The following BEND7 variants were observed in gnomAD, a reference collection of about 807,000 sequenced individuals.
BEND7 encodes the protein BEN domain-containing protein 7.
Under a neutral mutation model 50.9 loss-of-function variants are expected in BEND7, and 28 were observed. The observed-to-expected ratio is 0.55, with a 90% CI of 0.41 to 0.75. The LOEUF (loss-of-function observed/expected upper bound fraction) is 0.75, where lower values mean the gene tolerates loss of function less well. Among genes scored for constraint, BEND7 ranks in the 30% least tolerant of loss-of-function variants. The pLI, the probability that BEND7 is intolerant of heterozygous loss-of-function variation, is 0.00. For missense variants in BEND7, 477 were observed against 491.3 expected (o/e 0.97, Z 0.28); for synonymous variants, 170 against 183.9 (o/e 0.92, Z 0.61).
chr10:13,476,234 G>A (rs1413526476), intron 6 of BEND7, among the ~76,000 whole-genome samples: 2 of 152,188 alleles, frequency 1.3e-5, no homozygotes, highest in African/African-American at 4.8e-5. Context: ...AAGTGTGACA[G>A]CAAAAGCGGC....
intron 5 of BEND7, among the ~76,000 whole-genome samples, chr10:13,488,502 T>G (rs974927766): frequency 1.3e-5 from 2 of 152,312 alleles, no homozygotes; most frequent in Non-Finnish European, 1.5e-5. Context: ...TTTTTCTTTT[T>G]TTTTGAGATG....
intron 6 of BEND7, among the ~76,000 whole-genome samples, chr10:13,474,205 G>A (rs887088857): frequency 6.6e-6 from 1 of 151,568 alleles, no homozygotes; most frequent in Non-Finnish European, 1.5e-5. Flanking sequence ...ATCGCTGTTA[G>A]ACTCGGGGCC....
At chr10:13,497,071 A>C (rs888034976) in intron 3 of BEND7, 183 bp from the exon 4 acceptor site, 11 of 738,778 alleles carry the variant, frequency 1.5e-5, no homozygotes, top group Non-Finnish European at 2.1e-5. Context: ...TGGGGGTCTG[A>C]CTTTATCTAA....
At chr10:13,501,366 C>A (rs2132240129) in intron 2 of BEND7, among the ~76,000 whole-genome samples, 1 of 84,022 alleles carries the variant, frequency 1.2e-5, no homozygotes, top group Admixed American at 1.9e-4. Context: ...AAGAGTGAAA[C>A]TCCATCTCAA....
At position 13,478,949 on chromosome 10, in the gene BEND7, A is replaced by G. The variant is rs563318814; in HGVS notation, c.1063+1950T>C. On this transcript the variant is annotated intron_variant, in intron 6 of 8. Transcript: ENST00000466271. The stretch of plus-strand genomic sequence containing the variant: ...ATTGGGAGCAAAGACCTCATTTGCC[A>G]TTTTTATAGAGTACAGCAGTGAAGG... 4.0e-5 allele frequency among the ~76,000 whole-genome samples: 6 copies of G among 151,714 alleles called. No homozygotes were observed. The Middle Eastern group carries it at 0.01, about 260-fold the overall frequency.
chr10:13,517,041 T>A (rs2132582587), intron 2 of BEND7, among the ~76,000 whole-genome samples: 1 of 151,386 alleles, frequency 6.6e-6, no homozygotes, highest in African/African-American at 2.4e-5. Context: ...AAGCATTTGT[T>A]GCCCTATTAG....
At chr10:13,481,850 G>A (rs935318122) in intron 5 of BEND7, among the ~76,000 whole-genome samples, 1 of 152,226 alleles carries the variant, frequency 6.6e-6, no homozygotes, top group African/African-American at 2.4e-5. Flanking sequence ...TCCTGACTGG[G>A]ATACGGAATC....
rs973295355 is a variant in BEND7 at position 13,474,546 on chromosome 10, C to T, written c.1063+6353G>A. Among the ~76,000 whole-genome samples, 50 of 137,268 alleles carry T rather than the reference C, an allele frequency of 3.6e-4. 1 individual carries two copies. The East Asian group carries it at 0.01, about 28-fold the overall frequency. The allele number at this position is 137,268 out of a possible 152,430, so 90.1% of individuals were successfully genotyped here. ...GTCGATACCCGTCACCGCTGTTGGA[C>T]TCGGGTTGATACCCGTCACCGCTGT... On this transcript the variant is annotated intron_variant, in intron 6 of 8. Transcript: ENST00000466271.
At chr10:13,520,711 T>C (rs1222247465) in intron 2 of BEND7, among the ~76,000 whole-genome samples, 1 of 152,160 alleles carries the variant, frequency 6.6e-6, no homozygotes, top group Non-Finnish European at 1.5e-5. Context: ...CATCCCTGAG[T>C]TGAGGTTCCC....
rs199650739 is a variant in BEND7 at position 13,480,932 on chromosome 10, C to A, written c.1030G>T (p.Gly344Ter). The A allele has an allele frequency of 6.2e-7, 1 of 1,614,160 alleles. No individual in the cohort carries two copies. Among genetic ancestry groups the A allele is most frequent in the Non-Finnish European group, 8.5e-7 (1 of 1,180,034 alleles). The change falls in exon 6 of 9, where the codon GGA (glycine) becomes TGA (stop). Residue 344 changes from glycine to a stop codon, truncating the protein, a stop_gained. Transcript: ENST00000466271. LOFTEE classifies it high-confidence loss of function. ...GCACCCACAATATTTTGGTCTAGTC[C>A]TTTCCGGTTGTCATTGAGTCCTCTT... ...RKRGLNDNRKGLDQNIVGAIK... is the reference protein window; with the variant it reads ...RKRGLNDNRK
chr10:13,516,147 A>G (rs2078654539), intron 2 of BEND7, among the ~76,000 whole-genome samples: 1 of 152,244 alleles, frequency 6.6e-6, no homozygotes, highest in African/African-American at 2.4e-5. Flanking sequence ...CTACAGTAGG[A>G]ATACAGCATT....
chr10:13,505,630 C>G (rs1005144385), intron 2 of BEND7, among the ~76,000 whole-genome samples: 1 of 152,210 alleles, frequency 6.6e-6, no homozygotes, highest in Non-Finnish European at 1.5e-5. Flanking sequence ...TGACTGGGAG[C>G]CTGCCCCAAA....
downstream of BEND7, chr10:13,439,471 G>C (rs2130773287): frequency 6.2e-7 from 1 of 1,612,168 alleles, no homozygotes; most frequent in Non-Finnish European, 8.5e-7. Context: ...CCACCCGGCA[G>C]AACAGTGCAG....
chr10:13,472,751 A>AT (rs745637732), intron 6 of BEND7, among the ~76,000 whole-genome samples: 58 of 150,670 alleles, frequency 3.8e-4, no homozygotes, highest in Non-Finnish European at 6.8e-4. Flanking sequence ...AATATCTGTC[A>AT]TCACTGTTAG....
chr10:13,497,109 C>T (rs1015111812), intron 3 of BEND7, among the ~76,000 whole-genome samples: 2 of 152,218 alleles, frequency 1.3e-5, no homozygotes, highest in African/African-American at 4.8e-5. Flanking sequence ...CTGTAACGTG[C>T]GTGCTGTGGC....
intron 6 of BEND7, among the ~76,000 whole-genome samples, chr10:13,476,597 T>C (rs1254442391): frequency 1.3e-5 from 2 of 152,176 alleles, no homozygotes; most frequent in East Asian, 3.8e-4. Flanking sequence ...CTGAAGAGCA[T>C]TCAGGGATTC....
chr10:13,450,040 G>A (rs1837337261), intron 7 of BEND7, among the ~76,000 whole-genome samples: 1 of 152,202 alleles, frequency 6.6e-6, no homozygotes, highest in African/African-American at 2.4e-5. Context: ...TTTCAGCTCT[G>A]AGAAAATCAT....
chr10:13,439,273 G>C (rs1835058208), downstream of BEND7: 1 of 1,614,082 alleles, frequency 6.2e-7, no homozygotes, highest in South Asian at 1.1e-5. Context: ...GCTGAGACCT[G>C]AGTTATGAGG....
intron 7 of BEND7, 65 bp downstream of exon 7, chr10:13,452,474 G>A (rs1837952380): frequency 2.0e-6 from 3 of 1,492,826 alleles, no homozygotes; most frequent in Admixed American, 2.1e-5. Context: ...GCCAAGTATT[G>A]TACTTTATAA....
Sources: gnomAD v4.1 joint callset for allele counts (sites outside exome capture counted in the v4.1 genomes callset) on GRCh38, gnomAD v4.1.1 for gene constraint, MANE v1.5 for transcripts, NCBI Gene and HGNC (gene_info 2026-07-23, HGNC 2026-07-21) for gene names.